ANKRD11: variants seen among roughly 807,000 people sequenced by gnomAD.
The protein encoded by ANKRD11 is ankyrin repeat domain-containing protein 11.
A neutral mutation model predicts 195.7 loss-of-function variants in ANKRD11; 17 were observed. The observed-to-expected ratio is 0.09, with a 90% CI of 0.06 to 0.13. ANKRD11 has a LOEUF of 0.13. ANKRD11 is among the 10% of genes least tolerant of loss of function. The pLI, the probability that ANKRD11 is intolerant of heterozygous loss-of-function variation, is 1.00. For synonymous variants in ANKRD11, 1,953 were observed against 1,528.1 expected, an observed-to-expected ratio of 1.28 and a Z score of -6.49; for missense variants, 3,735 against 3,566.1, an observed-to-expected ratio of 1.05 and a Z score of -1.21.
At chr16:89,485,517 T>C (rs1382188269) in intron 1 of ANKRD11, among the ~76,000 whole-genome samples, 1 of 152,060 alleles carries the variant, frequency 6.6e-6, no homozygotes, top group Non-Finnish European at 1.5e-5. Context: ...TGAGGTTTCT[T>C]AGAGCTAGAA....
rs144070855 is a variant in ANKRD11 at position 89,326,197 on chromosome 16, C to T, written c.-59-9119G>A. Reference sequence around the variant, plus strand: ...AATAATCATGGCCGTAAGGCAGGGACGGCAGATGGAGGGTGACTCAGCAGA... The same window carrying T: ...AATAATCATGGCCGTAAGGCAGGGATGGCAGATGGAGGGTGACTCAGCAGA... On this transcript the variant is annotated intron_variant, in intron 2 of 12. Transcript: ENST00000301030. 4.5e-3 allele frequency among the ~76,000 whole-genome samples: 690 copies of T among 152,240 alleles called. 6 individuals carry two copies. Among genetic ancestry groups the T allele is most frequent in the African/African-American group, 0.016 (656 of 41,524 alleles).
At chr16:89,315,423 C>G (rs78634022) in intron 3 of ANKRD11, among the ~76,000 whole-genome samples, 5,098 of 152,268 alleles carry the variant, frequency 0.033, 305 homozygotes, top group African/African-American at 0.12. Context: ...GCCTTTCTGC[C>G]TCACTGCTGA....
Position 89,336,595 on chromosome 16 carries a change from C to A in ANKRD11, c.-59-19517G>T, listed in dbSNP as rs1190211974. Among the ~76,000 whole-genome samples, 4 of 152,160 alleles carry A rather than the reference C, an allele frequency of 2.6e-5. No individual in the cohort carries two copies. In the East Asian group the frequency reaches 5.8e-4, roughly 22 times the overall value. ...GGGAACCCAGCACTTCAATGAGACACAAGGTTAAAGTGACGCTTTGTAAGG... is the reference window on the plus strand; with the variant it reads ...GGGAACCCAGCACTTCAATGAGACAAAAGGTTAAAGTGACGCTTTGTAAGG... On this transcript the variant is annotated intron_variant, in intron 2 of 12. Coordinates refer to ENST00000301030, the MANE Select transcript of ANKRD11 (RefSeq NM_013275.6).
intron 2 of ANKRD11, among the ~76,000 whole-genome samples, chr16:89,412,871 G>A (rs1836957692): frequency 6.6e-6 from 1 of 152,192 alleles, no homozygotes; most frequent in Admixed American, 6.5e-5. Context: ...ACCTCTCCAT[G>A]CCTCCCAGGT....
intron 4 of ANKRD11, among the ~76,000 whole-genome samples, chr16:89,303,427 G>C (rs948355951): frequency 6.6e-6 from 1 of 152,188 alleles, no homozygotes; most frequent in Non-Finnish European, 1.5e-5. Flanking sequence ...CCTCCCTTCT[G>C]GGGGCTGAGG....
chr16:89,280,732 C>G lies in ANKRD11; in HGVS notation c.5810G>C (p.Gly1937Ala), dbSNP rs762451759. 12 of 1,613,294 alleles carry G rather than the reference C, an allele frequency of 7.4e-6. No homozygotes were observed. The highest frequency in any genetic ancestry group is 1.0e-5 in the Non-Finnish European group (12 of 1,179,850). Residue 1937 changes from glycine to alanine, a missense_variant, in exon 9 of 13, where the codon GGT (glycine) becomes GCT (alanine). Coordinates refer to ENST00000301030, the MANE Select transcript of ANKRD11 (RefSeq NM_013275.6). ...CTCGGTGATGACGGCGCTGAAGGGA[C>G]CCTCGTCCAGCGGCTCCAGGTAGCT... ...EPSYLEPLDE[G>A]PFSAVITEEP...
In ANKRD11 at chr16:89,323,165, G is replaced by A. The variant is rs535050235; in HGVS notation, c.-59-6087C>T. 6.7e-6 allele frequency: 3 copies of A among 449,078 alleles called. No individual in the cohort carries two copies. In the East Asian group the frequency reaches 2.5e-4, roughly 38 times the overall value. The allele number at this position is 449,078 out of a possible 1,614,324, so 27.8% of individuals were successfully genotyped here. A position where few individuals can be genotyped will look rare whatever the true frequency, so the allele number is the denominator to read the frequency against. On this transcript the variant is annotated intron_variant, in intron 2 of 12. Transcript: ENST00000301030. Reference sequence around the variant, plus strand: ...AGCACGGTCTCCAGCGGCTGCGTCAGGAGTGGTGCCTTGTGCACACCTCAC... The same window carrying A: ...AGCACGGTCTCCAGCGGCTGCGTCAAGAGTGGTGCCTTGTGCACACCTCAC...
chr16:89,393,323 T>A (rs1350883880), intron 2 of ANKRD11, among the ~76,000 whole-genome samples: 1 of 150,940 alleles, frequency 6.6e-6, no homozygotes, highest in Non-Finnish European at 1.5e-5. Flanking sequence ...TATTTTTTTT[T>A]TTTTTGAGAC....
rs763073381 is a variant in ANKRD11 at position 89,280,118 on chromosome 16, G to A, written c.6424C>T (p.Pro2142Ser). The A allele has an allele frequency of 1.2e-6, 2 of 1,612,696 alleles. No homozygotes were observed. Among genetic ancestry groups the A allele is most frequent in the South Asian group, 1.1e-5 (1 of 91,020 alleles). Residue 2142 changes from proline (P) to serine (S), a missense_variant, in exon 9 of 13, where the codon CCC becomes TCC. Pro to Ser is a moderately conservative substitution (Grantham distance 74). Coordinates refer to ENST00000301030, the MANE Select transcript of ANKRD11 (RefSeq NM_013275.6). ...DLGPFSLPEL[P>S]LQTKDAADGE... ...TCTGCGGCATCTTTAGTCTGCAGGG[G>A]AAGCTCCGGCAGGGAGAAGGGCCCC...
In ANKRD11 at chr16:89,285,122, C is replaced by G. The variant is rs370417892; in HGVS notation, c.1420G>C (p.Asp474His). 1 of 1,613,548 alleles carries G rather than the reference C, an allele frequency of 6.2e-7. No individual in the cohort carries two copies. The highest frequency in any genetic ancestry group is 8.5e-7 in the Non-Finnish European group (1 of 1,180,054). The change falls in exon 9 of 13, where the codon GAC becomes CAC. Residue 474 changes from aspartate (D) to histidine (H), a missense_variant. Asp to His is a moderately conservative substitution (Grantham distance 81). Coordinates refer to ENST00000301030, the MANE Select transcript of ANKRD11 (RefSeq NM_013275.6). This position sits in a 1 kb window ranked among gnomAD's most constrained non-coding sequence, Gnocchi z 5.6. ...GREVRFGKRS[D>H]KFCSSESESE... ...TCCGACTCCGAGGAGCAGAACTTGT[C>G]GCTCCGCTTTCCGAAGCGAACCTCT... is the stretch of plus-strand genomic sequence containing the variant.
At chr16:89,371,716 G>C (rs535426104) in intron 2 of ANKRD11, among the ~76,000 whole-genome samples, 9 of 152,160 alleles carry the variant, frequency 5.9e-5, no homozygotes, top group South Asian at 2.1e-4. Context: ...AGGTGGTCTC[G>C]GGTGTGGAGG....
chr16:89,367,058 G>C (rs1338452815), intron 2 of ANKRD11, among the ~76,000 whole-genome samples: 2 of 152,102 alleles, frequency 1.3e-5, no homozygotes, highest in African/African-American at 4.8e-5. Flanking sequence ...CTTCTGCTAG[G>C]ACGACCTCTC....
At position 89,269,021 on chromosome 16, in the gene ANKRD11, G is replaced by A. The variant is rs141842419; in HGVS notation, c.7807-358C>T. On this transcript the variant is annotated intron_variant, in intron 12 of 12. Transcript: ENST00000301030. The stretch of plus-strand genomic sequence containing the variant: ...TTTTGTCATTTTACAATTACTTACG[G>A]CCAGTGATAGTTTCACTTGTATTTC... Among the ~76,000 whole-genome samples the A allele has an allele frequency of 6.4e-3, 975 of 152,332 alleles. 9 individuals are homozygous for A. The highest frequency in any genetic ancestry group is 0.022 in the African/African-American group (915 of 41,574).
At chr16:89,377,146 G>A (rs543845790) in intron 2 of ANKRD11, among the ~76,000 whole-genome samples, 2 of 152,294 alleles carry the variant, frequency 1.3e-5, no homozygotes, top group African/African-American at 4.8e-5. Context: ...TTCAACAGCA[G>A]AGGCGTCAAC....
intron 4 of ANKRD11, among the ~76,000 whole-genome samples, chr16:89,296,517 G>GT (rs1207041907): frequency 7.2e-5 from 11 of 152,146 alleles, no homozygotes; most frequent in Non-Finnish European, 1.2e-4. Context: ...TGCTCACTGG[G>GT]TTTTTTATTT....
At chr16:89,416,935 A>T (rs2042335963) in intron 2 of ANKRD11, among the ~76,000 whole-genome samples, 1 of 151,712 alleles carries the variant, frequency 6.6e-6, no homozygotes, top group Non-Finnish European at 1.5e-5. Flanking sequence ...CCTCCATGGC[A>T]CCCCTTTTAT....
intron 2 of ANKRD11, among the ~76,000 whole-genome samples, chr16:89,391,424 C>T (rs141400543): frequency 4.6e-5 from 7 of 152,204 alleles, no homozygotes; most frequent in Middle Eastern, 3.4e-3. Context: ...CCAGGCTGCA[C>T]GGGATTGTGG....
intron 1 of ANKRD11, among the ~76,000 whole-genome samples, chr16:89,448,003 CCAT>C (rs2043883412): frequency 6.6e-6 from 1 of 151,940 alleles, no homozygotes; most frequent in Non-Finnish European, 1.5e-5. Context: ...CAGGGTTTCA[CCAT>C]ATTGGTCAGG....
intron 2 of ANKRD11, among the ~76,000 whole-genome samples, chr16:89,394,960 G>A (rs554028310): frequency 1.3e-5 from 2 of 152,200 alleles, no homozygotes; most frequent in African/African-American, 2.4e-5. Flanking sequence ...GAGCTGATGA[G>A]AGAACCCCCT....
Sources: allele counts gnomAD v4.1 joint callset (sites outside exome capture counted in the v4.1 genomes callset), GRCh38; gene constraint gnomAD v4.1.1; non-coding constraint Gnocchi (gnomAD v3.1); transcripts MANE v1.5; gene names NCBI Gene and HGNC (gene_info 2026-07-23, HGNC 2026-07-21).